PLPPR1: variants seen among roughly 807,000 people sequenced by gnomAD.
The protein encoded by PLPPR1 is phospholipid phosphatase related 1, also known as phospholipid phosphatase-related protein type 1.
A neutral mutation model predicts 33.1 loss-of-function variants in PLPPR1; 10 were observed. The ratio of observed to expected loss-of-function variants is 0.30; its 90% CI spans 0.19 to 0.51. The LOEUF is 0.51. Among genes scored for constraint, PLPPR1 ranks in the 20% least tolerant of loss-of-function variants. PLPPR1 has a pLI of 0.97. For synonymous variants in PLPPR1, 151 were observed against 151.0 expected (o/e 1.00, Z 0.00); for missense variants, 304 against 408.1 (o/e 0.74, Z 2.20).
intron 2 of PLPPR1, among the ~76,000 whole-genome samples, chr9:101,215,258 T>C (rs999848123): frequency 6.6e-6 from 1 of 152,050 alleles, no homozygotes; most frequent in Admixed American, 6.5e-5. Context: ...GGCAGCAACA[T>C]TGTGCTACCT....
intron 1 of PLPPR1, among the ~76,000 whole-genome samples, chr9:101,053,426 T>C (rs929093968): frequency 4.6e-5 from 7 of 152,340 alleles, no homozygotes; most frequent in Admixed American, 3.9e-4. Context: ...CACTGTCAAC[T>C]CTTCTACTCT....
intron 2 of PLPPR1, among the ~76,000 whole-genome samples, chr9:101,215,963 A>G (rs866817040): frequency 1.3e-5 from 2 of 152,252 alleles, no homozygotes; most frequent in African/African-American, 2.4e-5. Flanking sequence ...GAGTGTAGCT[A>G]TCTCTTTGAT....
At position 101,030,023 on chromosome 9, in the gene PLPPR1, G is replaced by A. The variant is rs546026891; in HGVS notation, c.-46+921G>A. Among the ~76,000 whole-genome samples, 3 of 152,114 alleles carry A rather than the reference G, an allele frequency of 2.0e-5. No individual in the cohort carries two copies. The South Asian group carries it at 6.2e-4, about 32-fold the overall frequency. ...TTTTTCCTTTCAACCTCTTTCCTGG[G>A]AGAGATTCTGTGGTGTCTGCTATCT... On this transcript the variant is annotated intron_variant, in intron 1 of 7. Transcript: ENST00000374874.
rs761747184 is a variant in PLPPR1 at position 101,309,483 on chromosome 9, C to T, written c.636+22C>T. The T allele has an allele frequency of 3.1e-6, 5 of 1,607,726 alleles. No homozygotes were observed. The East Asian group carries it at 6.7e-5, about 22-fold the overall frequency. ...CACGGTGAGTGTGCAAGTCTTGTCTCTCCTAAGTCCAGTTTTTGATAGGAT... is the reference window on the plus strand; with the variant it reads ...CACGGTGAGTGTGCAAGTCTTGTCTTTCCTAAGTCCAGTTTTTGATAGGAT... On this transcript the variant is annotated intron_variant, in intron 5 of 7. Transcript: ENST00000374874.
intron 1 of PLPPR1, among the ~76,000 whole-genome samples, chr9:101,044,688 G>A (rs1167285989): frequency 6.6e-6 from 1 of 152,102 alleles, no homozygotes; most frequent in East Asian, 1.9e-4. Context: ...AATTTTTACT[G>A]TTCATTTTTC....
At chr9:101,160,249 G>C (rs1831755264) in intron 1 of PLPPR1, among the ~76,000 whole-genome samples, 1 of 152,132 alleles carries the variant, frequency 6.6e-6, no homozygotes. Context: ...TTTTTCCTTA[G>C]TTGCTTCATG....
intron 2 of PLPPR1, among the ~76,000 whole-genome samples, chr9:101,238,952 C>CTT (rs34407063): frequency 2.1e-5 from 3 of 141,904 alleles, no homozygotes; most frequent in African/African-American, 7.7e-5. Flanking sequence ...TATGAGCTCA[C>CTT]TTTTTTTTTT....
At chr9:101,070,330 A>G (rs1330861524) in intron 1 of PLPPR1, among the ~76,000 whole-genome samples, 2 of 151,946 alleles carry the variant, frequency 1.3e-5, no homozygotes, top group Non-Finnish European at 2.9e-5. Context: ...ATACTACTAT[A>G]TTTTGCTCAA....
chr9:101,273,508 T>C (rs1295014956), intron 3 of PLPPR1, among the ~76,000 whole-genome samples: 2 of 152,186 alleles, frequency 1.3e-5, no homozygotes, highest in Admixed American at 6.5e-5. Context: ...TGCAAGGACA[T>C]GTGCTAAAGA....
chr9:101,071,137 T>A (rs552004701), intron 1 of PLPPR1, among the ~76,000 whole-genome samples: 1 of 152,208 alleles, frequency 6.6e-6, no homozygotes, highest in Admixed American at 6.5e-5. Context: ...TTGGTGACAA[T>A]GTCAGCCTGC....
In PLPPR1 at chr9:101,317,427, G is replaced by A. The variant is rs1339242756; in HGVS notation, c.876G>A (p.Glu292=). Residue 292 remains glutamate (E), a synonymous_variant, in exon 7 of 8, where the codon GAG becomes GAA. Coordinates refer to ENST00000374874, the MANE Select transcript of PLPPR1 (RefSeq NM_207299.2). ...GATCTCCTTCCAAACCCAAGCCTGA[G>A]GATCCCCGTGGAGTACCCCTAATGG... ...TQGSPSKPKP[E]DPRGVPLMAF... is the part of the protein sequence containing the mutation. The A allele has an allele frequency of 1.2e-6, 2 of 1,614,042 alleles. No individual in the cohort carries two copies. Among genetic ancestry groups the A allele is most frequent in the Non-Finnish European group, 8.5e-7 (1 of 1,179,960 alleles).
intron 2 of PLPPR1, among the ~76,000 whole-genome samples, chr9:101,262,263 A>G (rs1935238): frequency 0.52 from 78,502 of 151,944 alleles, 22,004 homozygotes; most frequent in African/African-American, 0.75. Context: ...TTTTCAAATG[A>G]AGGCACGAAA....
chr9:101,122,462 G>GT (rs1236016584), intron 1 of PLPPR1, among the ~76,000 whole-genome samples: 3 of 152,108 alleles, frequency 2.0e-5, no homozygotes, highest in African/African-American at 4.8e-5. Flanking sequence ...AGTGGAAACT[G>GT]TATAAAGCTT....
intron 3 of PLPPR1, among the ~76,000 whole-genome samples, chr9:101,282,341 G>T (rs1828319911): frequency 6.6e-6 from 1 of 152,002 alleles, no homozygotes; most frequent in Non-Finnish European, 1.5e-5. Flanking sequence ...GCAAAAAAAT[G>T]ATTTGACAAA....
chr9:101,249,785 C>G (rs1001335006), intron 2 of PLPPR1, among the ~76,000 whole-genome samples: 4 of 152,050 alleles, frequency 2.6e-5, no homozygotes, highest in Admixed American at 2.6e-4. Flanking sequence ...GACAACTGGT[C>G]TTCGCTCTGG....
chr9:101,069,891 G>A (rs1420992768), intron 1 of PLPPR1, among the ~76,000 whole-genome samples: 2 of 152,166 alleles, frequency 1.3e-5, no homozygotes, highest in African/African-American at 4.8e-5. Flanking sequence ...CTTAGGGAAA[G>A]TGGGAAGGGA....
chr9:101,152,510 T>G (rs1004052356), intron 1 of PLPPR1, among the ~76,000 whole-genome samples: 14 of 152,216 alleles, frequency 9.2e-5, no homozygotes, highest in Non-Finnish European at 1.5e-4. Flanking sequence ...TAGGTTTTCT[T>G]CTAGGGTTTT....
intron 3 of PLPPR1, 119 bp from the exon 4 acceptor site, chr9:101,285,985 C>G: frequency 1.4e-6 from 1 of 728,322 alleles, no homozygotes; most frequent in Non-Finnish European, 2.3e-6. Flanking sequence ...CACCATCTCT[C>G]TCCAACATCT....
At position 101,317,348 on chromosome 9, in the gene PLPPR1, TCCCCCTCA is replaced by T; in HGVS notation, c.814-16_814-9del. On this transcript the variant is annotated splice_polypyrimidine_tract_variant and intron_variant, in intron 6 of 7. Transcript: ENST00000374874. ...GCTGCAGTCTGACCCCATTCTTTTT[TCCCCCTCA>T]TCCTGCAGGGAATGTGTGTGGTTCA... is the stretch of plus-strand genomic sequence containing the variant. 6.2e-7 allele frequency: 1 copy of T among 1,609,404 alleles called. No individual in the cohort carries two copies. Among genetic ancestry groups the T allele is most frequent in the Non-Finnish European group, 8.5e-7 (1 of 1,178,138 alleles).
Sources: allele counts gnomAD v4.1 joint callset (sites outside exome capture counted in the v4.1 genomes callset), GRCh38; gene constraint gnomAD v4.1.1; transcripts MANE v1.5; gene names NCBI Gene and HGNC (gene_info 2026-07-23, HGNC 2026-07-21).